The following RBFOX1 variants were observed in gnomAD, a reference collection of about 807,000 sequenced individuals.
RBFOX1 encodes RNA binding protein fox-1 homolog 1.
A neutral mutation model predicts 57.7 loss-of-function variants in RBFOX1; 8 were observed. That is an observed-to-expected ratio of 0.14 (90% CI 0.08 to 0.25). The LOEUF is 0.25. Among genes scored for constraint, RBFOX1 ranks in the 10% least tolerant of loss-of-function variants. The probability of loss-of-function intolerance (pLI) is 1.00; values close to 1 mark genes in which losing one functional copy is unlikely to be tolerated. For missense variants in RBFOX1, 611 were observed against 548.5 expected, an observed-to-expected ratio of 1.11 and a Z score of -1.14; for synonymous variants, 326 against 222.4, an observed-to-expected ratio of 1.47 and a Z score of -4.15.
chr16:7,331,022 G>T (rs907911153), intron 4 of RBFOX1, among the ~76,000 whole-genome samples: 4 of 152,134 alleles, frequency 2.6e-5, no homozygotes, highest in Non-Finnish European at 5.9e-5. Flanking sequence ...GTACAACGTG[G>T]CCACTTTGAT....
intron 3 of RBFOX1, among the ~76,000 whole-genome samples, chr16:6,895,795 C>A (rs141160453): frequency 6.3e-4 from 96 of 151,976 alleles, no homozygotes; most frequent in Non-Finnish European, 1.2e-3. Context: ...TCTGCCACTT[C>A]CCGAATGTGA....
chr16:7,178,372 C>T (rs1275178227), intron 4 of RBFOX1, among the ~76,000 whole-genome samples: 2 of 152,160 alleles, frequency 1.3e-5, no homozygotes, highest in Admixed American at 6.5e-5. Flanking sequence ...ACAATTTGGG[C>T]ATAGCTACTT....
intron 3 of RBFOX1, among the ~76,000 whole-genome samples, chr16:6,857,864 T>C (rs1262837604): frequency 6.6e-6 from 1 of 152,204 alleles, no homozygotes; most frequent in African/African-American, 2.4e-5. Flanking sequence ...TCAGTTACCA[T>C]TTAGCAACCT....
At chr16:5,861,784 G>A (rs568694983) in intron 3 of RBFOX1, among the ~76,000 whole-genome samples, 1 of 152,202 alleles carries the variant, frequency 6.6e-6, no homozygotes, top group Non-Finnish European at 1.5e-5. Flanking sequence ...TGCAAAGGAT[G>A]TTGTTGCCCT....
At chr16:6,694,532 G>T (rs999844274) in intron 3 of RBFOX1, among the ~76,000 whole-genome samples, 2 of 152,224 alleles carry the variant, frequency 1.3e-5, no homozygotes. Context: ...ACATGTCCTT[G>T]AAGTTGTTTC....
At chr16:5,755,213 A>T (rs1202769087) in intron 3 of RBFOX1, among the ~76,000 whole-genome samples, 1 of 135,832 alleles carries the variant, frequency 7.4e-6, no homozygotes, top group Non-Finnish European at 1.6e-5. Context: ...TTCAGAGAGC[A>T]CGGGGTTGGG....
At chr16:6,645,189 G>A (rs1426436980) in intron 2 of RBFOX1, among the ~76,000 whole-genome samples, 1 of 152,022 alleles carries the variant, frequency 6.6e-6, no homozygotes, top group Non-Finnish European at 1.5e-5. Context: ...ACTTGTTACT[G>A]GATTTAGAAC....
intron 2 of RBFOX1, among the ~76,000 whole-genome samples, chr16:5,473,697 G>C (rs2069218824): frequency 7.4e-6 from 1 of 135,104 alleles, no homozygotes; most frequent in African/African-American, 2.8e-5. Context: ...TTGGATGGAT[G>C]AGTGGGTGGG....
intron 1 of RBFOX1, among the ~76,000 whole-genome samples, chr16:5,453,686 C>G (rs2068496716): frequency 6.6e-6 from 1 of 152,202 alleles, no homozygotes; most frequent in Admixed American, 6.5e-5. Context: ...AGCACCTCAT[C>G]AGGTACTTAT....
intron 3 of RBFOX1, among the ~76,000 whole-genome samples, chr16:6,662,710 C>G (rs779098426): frequency 5.9e-5 from 9 of 152,056 alleles, no homozygotes; most frequent in African/African-American, 1.7e-4. Context: ...ACCTTTTTGA[C>G]CAAGAGACCC....
intron 3 of RBFOX1, among the ~76,000 whole-genome samples, chr16:5,629,155 G>T (rs1218818863): frequency 1.3e-5 from 2 of 152,194 alleles, no homozygotes; most frequent in African/African-American, 4.8e-5. Flanking sequence ...AACATATTGA[G>T]AGTACAGGGC....
intron 4 of RBFOX1, among the ~76,000 whole-genome samples, chr16:7,242,945 A>G (rs943994638): frequency 5.9e-5 from 9 of 151,920 alleles, no homozygotes; most frequent in Admixed American, 3.9e-4. Flanking sequence ...TTACCTGTCT[A>G]CCTTCTTTAT....
chr16:7,628,728 T>G (rs898534241), intron 10 of RBFOX1, among the ~76,000 whole-genome samples: 1 of 152,128 alleles, frequency 6.6e-6, no homozygotes, highest in African/African-American at 2.4e-5. Flanking sequence ...TTCTCCTGCC[T>G]CAGTCTCCTG....
At chr16:7,072,680 A>C (rs1476272238) in intron 4 of RBFOX1, among the ~76,000 whole-genome samples, 2 of 152,234 alleles carry the variant, frequency 1.3e-5, no homozygotes, top group African/African-American at 4.8e-5. Context: ...GCCATGTTAG[A>C]ATAACTTGTA....
At chr16:6,963,332 C>A (rs1318093188) in intron 3 of RBFOX1, among the ~76,000 whole-genome samples, 1 of 151,888 alleles carries the variant, frequency 6.6e-6, no homozygotes, top group East Asian at 1.9e-4. Flanking sequence ...GTGGGGTTCT[C>A]AGCTTTGAGA....
intron 3 of RBFOX1, among the ~76,000 whole-genome samples, chr16:6,920,847 ACAC>A: frequency 6.6e-6 from 1 of 152,332 alleles, no homozygotes; most frequent in East Asian, 1.9e-4. Context: ...TAACTTAGTT[ACAC>A]CACCTGCAAA....
At chr16:7,218,206 C>T (rs777011271) in intron 4 of RBFOX1, among the ~76,000 whole-genome samples, 2 of 152,128 alleles carry the variant, frequency 1.3e-5, no homozygotes, top group Non-Finnish European at 2.9e-5. Context: ...GAGTTTAAAC[C>T]TTATGTCTTA....
chr16:5,614,054 C>G (rs974591531), intron 3 of RBFOX1, among the ~76,000 whole-genome samples: 1 of 152,066 alleles, frequency 6.6e-6, no homozygotes, highest in Non-Finnish European at 1.5e-5. Context: ...GAGAAAGAAG[C>G]CCAGCCTTTT....
chr16:7,434,733 A>T (rs1205005144), intron 4 of RBFOX1, among the ~76,000 whole-genome samples: 3 of 108,896 alleles, frequency 2.8e-5, no homozygotes, highest in African/African-American at 7.9e-5. Flanking sequence ...CCCTCTTGTT[A>T]ACATTTTTTT....
Sources: allele counts gnomAD v4.1 joint callset (sites outside exome capture counted in the v4.1 genomes callset), GRCh38; gene constraint gnomAD v4.1.1; transcripts MANE v1.5; gene names NCBI Gene and HGNC (gene_info 2026-07-23, HGNC 2026-07-21).